FGF13: variants seen among roughly 807,000 people sequenced by gnomAD.
FGF13 encodes the protein fibroblast growth factor homologous factor 2.
Under a neutral mutation model 19.5 loss-of-function variants are expected in FGF13, and 2 were observed. The observed-to-expected ratio is 0.10, with a 90% confidence interval of 0.04 to 0.32. The LOEUF is 0.32. Among genes scored for constraint, FGF13 ranks in the 10% least tolerant of loss-of-function variants. The pLI is 1.00. For synonymous variants in FGF13, 72 were observed against 76.9 expected, an observed-to-expected ratio of 0.94 and a Z score of 0.33; for missense variants, 113 against 192.7, an observed-to-expected ratio of 0.59 and a Z score of 2.45.
At chrX:138,958,513 T>A (rs1163835420) in intron 1 of FGF13, among the ~76,000 whole-genome samples, 1 of 111,867 alleles carries the variant, frequency 8.9e-6, no homozygotes, top group Non-Finnish European at 1.9e-5. Context: ...CAGGCTTTGG[T>A]ATCAGGATTA....
chrX:138,787,414 G>C (rs1287239394), intron 3 of FGF13, among the ~76,000 whole-genome samples: 1 of 112,404 alleles, frequency 8.9e-6, no homozygotes, highest in Non-Finnish European at 1.9e-5. Flanking sequence ...AGAAATTCAA[G>C]ATCAGGATGC....
intron 1 of FGF13, among the ~76,000 whole-genome samples, chrX:138,972,714 G>A (rs1429809752): frequency 9.0e-6 from 1 of 111,234 alleles, no homozygotes; most frequent in East Asian, 2.8e-4. Flanking sequence ...ATGGGCGTGA[G>A]ATGATATTTC....
chrX:138,817,801 C>T (rs947594965), intron 3 of FGF13, among the ~76,000 whole-genome samples: 4 of 112,166 alleles, frequency 3.6e-5, no homozygotes, highest in African/African-American at 1.3e-4. Context: ...TGTTTATCTA[C>T]AACAAGGCCT....
chrX:138,851,346 A>G (rs894305137), intron 3 of FGF13, among the ~76,000 whole-genome samples: 1 of 111,793 alleles, frequency 8.9e-6, no homozygotes, highest in African/African-American at 3.3e-5. Flanking sequence ...ACTAATTTAC[A>G]TTCCCACCAA....
At chrX:139,182,502 G>A (rs1427164470) in intron 1 of FGF13, among the ~76,000 whole-genome samples, 1 of 112,074 alleles carries the variant, frequency 8.9e-6, no homozygotes, top group South Asian at 3.7e-4. Context: ...TAAACGTTCT[G>A]TAATATTTTC....
chrX:139,067,549 T>C (rs372415948), intron 1 of FGF13, among the ~76,000 whole-genome samples: 1 of 111,530 alleles, frequency 9.0e-6, no homozygotes. Flanking sequence ...ACTAAAAGAA[T>C]AAAATACTTA....
At chrX:138,876,124 C>A (rs2091388083) in intron 1 of FGF13, among the ~76,000 whole-genome samples, 1 of 111,551 alleles carries the variant, frequency 9.0e-6, no homozygotes, top group Non-Finnish European at 1.9e-5. Context: ...TTGCCCATTT[C>A]TTTTACCAAG....
intron 1 of FGF13, among the ~76,000 whole-genome samples, chrX:138,922,176 A>C (rs1215681220): frequency 9.0e-6 from 1 of 110,649 alleles, no homozygotes; most frequent in Admixed American, 9.7e-5. Context: ...AAATGAAACT[A>C]AATTGGGGAT....
chrX:138,656,139 G>A (rs1043345598), intron 3 of FGF13, among the ~76,000 whole-genome samples: 2 of 111,606 alleles, frequency 1.8e-5, no homozygotes, highest in Non-Finnish European at 3.8e-5. Flanking sequence ...GGCAAGATGA[G>A]TACCAAAGTA....
rs780653174 is a variant in FGF13 at position 138,791,070 on chromosome X, C to T, written c.217+66442G>A. Among the ~76,000 whole-genome samples the T allele has an allele frequency of 8.0e-5, 9 of 112,355 alleles. No individual in the cohort carries two copies. The East Asian group carries it at 2.0e-3, about 24-fold the overall frequency. ...CATAAATATATACAACTACTATGTA[C>T]AGATAAAAATTTAACAAAAAGAAAA... On this transcript the variant is annotated intron_variant, in intron 3 of 6. Transcript: ENST00000436198.
intron 1 of FGF13, among the ~76,000 whole-genome samples, chrX:138,871,450 A>C: frequency 1.8e-5 from 2 of 112,155 alleles, no homozygotes; most frequent in Non-Finnish European, 3.8e-5. Flanking sequence ...ACAGTAAACA[A>C]ATTGTTAAGC....
At chrX:138,810,008 G>A (rs980948229) in intron 3 of FGF13, among the ~76,000 whole-genome samples, 1 of 111,604 alleles carries the variant, frequency 9.0e-6, no homozygotes, top group Non-Finnish European at 1.9e-5. Flanking sequence ...TGTGAAAATG[G>A]CCATACTGCC....
chrX:139,131,796 C>G (rs756546901), intron 1 of FGF13, among the ~76,000 whole-genome samples: 1 of 111,538 alleles, frequency 9.0e-6, no homozygotes, highest in African/African-American at 3.3e-5. Context: ...TTCTATTAAT[C>G]TATTGGAGCC....
chrX:138,894,583 C>G (rs1477001601), intron 1 of FGF13, among the ~76,000 whole-genome samples: 1 of 111,203 alleles, frequency 9.0e-6, no homozygotes, highest in Non-Finnish European at 1.9e-5. Flanking sequence ...TTCCTGGACA[C>G]ATACACCATC....
chrX:139,059,665 T>C (rs1330607676), intron 1 of FGF13, among the ~76,000 whole-genome samples: 1 of 112,190 alleles, frequency 8.9e-6, no homozygotes, highest in Admixed American at 9.4e-5. Context: ...CATAATGTTT[T>C]CTAAATTCTT....
intron 1 of FGF13, among the ~76,000 whole-genome samples, chrX:138,868,946 C>T (rs1446183803): frequency 9.0e-6 from 1 of 110,719 alleles, no homozygotes; most frequent in Non-Finnish European, 1.9e-5. Context: ...TTCCTTGGTT[C>T]TAGTGCTAGC....
In FGF13 at chrX:138,711,290, G is replaced by T; in HGVS notation, c.-287C>A. ...GGGATCGCGGGCGAGACTGGCACGCGGATGCTGAACTGCGCGACTGCGTGT... is the reference window on the plus strand; with the variant it reads ...GGGATCGCGGGCGAGACTGGCACGCTGATGCTGAACTGCGCGACTGCGTGT... On this transcript the variant is annotated 5_prime_UTR_variant, in exon 1 of 5. Transcript: ENST00000315930. 9.6e-6 allele frequency: 9 copies of T among 941,903 alleles called. No homozygotes were observed. The highest frequency in any genetic ancestry group is 1.2e-5 in the Non-Finnish European group (9 of 758,801). 77.6% of individuals were successfully genotyped at this position (941,903 alleles called of 1,213,427 possible). A position where few individuals can be genotyped will look rare whatever the true frequency, so the allele number is the denominator to read the frequency against.
At chrX:139,178,717 C>G (rs988961577) in intron 1 of FGF13, among the ~76,000 whole-genome samples, 2 of 112,124 alleles carry the variant, frequency 1.8e-5, no homozygotes, top group African/African-American at 6.5e-5. Flanking sequence ...AAAAACAATA[C>G]ACCATATGTT....
intron 1 of FGF13, among the ~76,000 whole-genome samples, chrX:139,137,334 C>G (rs1468055177): frequency 8.9e-6 from 1 of 112,259 alleles, no homozygotes. Flanking sequence ...AACACACAAA[C>G]AAGCAACTGA....
Sources: allele counts gnomAD v4.1 joint callset (sites outside exome capture counted in the v4.1 genomes callset), GRCh38; gene constraint gnomAD v4.1.1; transcripts MANE v1.5; gene names NCBI Gene and HGNC (gene_info 2026-07-23, HGNC 2026-07-21).